F12: variants seen among roughly 807,000 people sequenced by gnomAD.
F12 encodes coagulation factor XII, also known as Hageman factor.
A neutral mutation model predicts 74.8 loss-of-function variants in F12; 70 were observed. The observed-to-expected ratio is 0.94, with a 90% CI of 0.77 to 1.14. The LOEUF (loss-of-function observed/expected upper bound fraction) is 1.14. F12 is among the 50% of genes most tolerant of loss of function. The pLI is 0.00. For synonymous variants in F12, 373 were observed against 356.4 expected (o/e 1.05, Z -0.52); for missense variants, 811 against 835.7 (o/e 0.97, Z 0.36).
At chr5:177,405,655 G>A in intron 4 of F12, 80 bp downstream of exon 4, 3 of 1,414,940 alleles carry the variant, frequency 2.1e-6, no homozygotes, top group Non-Finnish European at 1.0e-6. Context: ...AATCCCAGGT[G>A]TGTGGGGTCT....
rs367919043 is a variant in F12, at chr5:177,404,829, G to T, written c.615C>A (p.Thr205=). 1.0e-5 allele frequency: 16 copies of T among 1,607,848 alleles called. No individual in the cohort carries two copies. Among genetic ancestry groups the T allele is most frequent in the Admixed American group, 5.0e-5 (3 of 59,498 alleles). ...HRLCHCPVGY[T]GAFCDVDTKA... is the part of the protein sequence containing the mutation. ...ACTCACCCACGTCGCAGAAGGCTCC[G>T]GTGTAGCCCACCGGGCAGTGGCACA... Residue 205 remains threonine (T), a synonymous_variant, in exon 7 of 14, where the codon ACC becomes ACA. Coordinates refer to ENST00000253496, the MANE Select transcript of F12 (RefSeq NM_000505.4).
chr5:177,408,608 C>T (rs1466137638), intron 2 of F12, among the ~76,000 whole-genome samples: 3 of 152,212 alleles, frequency 2.0e-5, no homozygotes, highest in Non-Finnish European at 4.4e-5. Flanking sequence ...AACTCAAATC[C>T]CTCGCCCAGA....
chr5:177,404,436 C>A, intron 8 of F12, 23 bp from the exon 9 acceptor site: 1 of 1,606,764 alleles, frequency 6.2e-7, no homozygotes, highest in Non-Finnish European at 8.5e-7. Flanking sequence ...GACGGGGCGC[C>A]GTTAGAGCGC....
Position 177,404,280 on chromosome 5 carries a change from G to T in F12, c.934C>A (p.His312Asn). ...GGCTGCGCGGGCATGAGTGGGACATGAAGCCTAGGGGACACCGGGGTCGGA... is the reference window on the plus strand; with the variant it reads ...GGCTGCGCGGGCATGAGTGGGACATTAAGCCTAGGGGACACCGGGGTCGGA... ...APPTPVSPRL[H>N]VPLMPAQPAP... is the part of the protein sequence containing the mutation. Residue 312 changes from histidine to asparagine, a missense_variant, in exon 9 of 14, where the codon CAT (histidine) becomes AAT (asparagine). Coordinates refer to ENST00000253496, the MANE Select transcript of F12 (RefSeq NM_000505.4). 6.3e-7 allele frequency: 1 copy of T among 1,598,244 alleles called. No homozygotes were observed. The highest frequency in any genetic ancestry group is 8.5e-7 in the Non-Finnish European group (1 of 1,171,530).
In F12 at chr5:177,405,098, T is replaced by G; in HGVS notation, c.485A>C (p.Gln162Pro). The G allele has an allele frequency of 6.2e-7, 1 of 1,613,674 alleles. No homozygotes were observed. The highest frequency in any genetic ancestry group is 8.5e-7 in the Non-Finnish European group (1 of 1,180,024). The change falls in exon 6 of 14, where the codon CAG (glutamine) becomes CCG (proline). Residue 162 changes from glutamine to proline, a missense_variant. Gln to Pro is a moderately conservative substitution (Grantham distance 76). Transcript: ENST00000253496. The part of the protein sequence containing the change: ...RTEQAAVARC[Q>P]CKGPDAHCQR... The stretch of plus-strand genomic sequence containing the variant: ...GCAGTGGGCATCAGGACCCTTGCAC[T>G]GGCATCTGGCCACAGCTGCTTGCTC...
In F12 at chr5:177,406,036, G is replaced by C; in HGVS notation, c.141C>G (p.Cys47Trp). 1 of 1,614,084 alleles carries C rather than the reference G, an allele frequency of 6.2e-7. No individual in the cohort carries two copies. Among genetic ancestry groups the C allele is most frequent in the Non-Finnish European group, 8.5e-7 (1 of 1,180,018 alleles). ...GCCGGTGGTACTGGAAGGGGAAGTG[G>C]CAGGGCTCCCCGGTGACAGTGAGAA... ...TVVLTVTGEP[C>W]HFPFQYHRQL... is the part of the protein sequence containing the mutation. Residue 47 changes from cysteine (C) to tryptophan (W), a missense_variant, in exon 3 of 14, where the codon TGC becomes TGG. Cys to Trp is a radical substitution (Grantham distance 215). Transcript: ENST00000253496.
chr5:177,402,909 C>T, intron 12 of F12: 1 of 724,690 alleles, frequency 1.4e-6, no homozygotes, highest in Non-Finnish European at 2.3e-6. Context: ...GGAGCGGAAA[C>T]AGAAACCCCT....
At chr5:177,405,703 C>T (rs1763272428) in intron 4 of F12, 32 bp downstream of exon 4, 1 of 1,609,068 alleles carries the variant, frequency 6.2e-7, no homozygotes, top group Non-Finnish European at 8.5e-7. Flanking sequence ...GAGGAGAGAG[C>T]CCCAGGCCAC....
In F12 at chr5:177,403,908, G is replaced by A. The variant is rs745786147; in HGVS notation, c.1201C>T (p.Leu401Phe). 4 of 1,586,390 alleles carry A rather than the reference G, an allele frequency of 2.5e-6. No homozygotes were observed. The highest frequency in any genetic ancestry group is 1.1e-5 in the South Asian group (1 of 88,894). ...GTCAGCACCCAGCAGGGGGCGATGA[G>A]GCTGCCGGCGCAGAAACTGTGGCCC... Reference protein sequence around the residue: ...YWGHSFCAGSLIAPCWVLTAA... With the variant: ...YWGHSFCAGSFIAPCWVLTAA... The change falls in exon 10 of 14, where the codon CTC (leucine) becomes TTC (phenylalanine). Residue 401 changes from leucine (L) to phenylalanine (F), a missense_variant. Coordinates refer to ENST00000253496, the MANE Select transcript of F12 (RefSeq NM_000505.4).
At chr5:177,402,883 C>G (rs1763174833) in intron 12 of F12, 185 bp from the exon 13 acceptor site, 1 of 865,228 alleles carries the variant, frequency 1.2e-6, no homozygotes, top group Admixed American at 2.3e-5. Context: ...AGAGAAAAGC[C>G]AGGATTTGAA....
intron 12 of F12, chr5:177,402,980 C>T (rs774004207): frequency 1.6e-5 from 11 of 670,942 alleles, no homozygotes; most frequent in Non-Finnish European, 2.2e-5. Context: ...AGCGCGGGGC[C>T]AGCGTCCTAG....
Position 177,402,174 on chromosome 5 carries a change from C to A in F12, c.*118G>T. The stretch of plus-strand genomic sequence containing the variant: ...TTCAAAGCACTTTATTGAGTTCCTG[C>A]GCCATCCTGGCGCGGAGCTGGCCGC... On this transcript the variant is annotated 3_prime_UTR_variant, in exon 14 of 14. Transcript: ENST00000253496. 2 of 1,317,604 alleles carry A rather than the reference C, an allele frequency of 1.5e-6. No individual in the cohort carries two copies. Among genetic ancestry groups the A allele is most frequent in the East Asian group, 2.5e-5 (1 of 40,084 alleles). 81.6% of individuals were successfully genotyped at this position (1,317,604 alleles called of 1,614,324 possible).
At chr5:177,407,765 A>AC (rs1273253414) in intron 2 of F12, among the ~76,000 whole-genome samples, 1 of 149,352 alleles carries the variant, frequency 6.7e-6, no homozygotes, top group East Asian at 1.9e-4. Flanking sequence ...AGCCTAGGGG[A>AC]CAGAGCGAGA....
At chr5:177,406,289 C>A (rs1411193292) in intron 2 of F12, among the ~76,000 whole-genome samples, 2 of 152,136 alleles carry the variant, frequency 1.3e-5, no homozygotes, top group Non-Finnish European at 2.9e-5. Context: ...GAGATCAAGA[C>A]CATCCTGGCT....
intron 3 of F12, 39 bp from the exon 4 acceptor site, chr5:177,405,844 G>T (rs746928394): frequency 5.0e-6 from 8 of 1,609,788 alleles, no homozygotes; most frequent in Non-Finnish European, 6.8e-6. Context: ...CTACCCAGGG[G>T]CCTGGCCCAC....
chr5:177,404,088 A>T lies in F12; in HGVS notation c.1021T>A (p.Leu341Met). The change falls in exon 10 of 14, where the codon TTG becomes ATG. Residue 341 changes from leucine to methionine, a missense_variant and splice_region_variant. Physicochemically the swap from Leu to Met is conservative, Grantham distance 15 (BLOSUM62 2). Transcript: ENST00000253496. ...TPPQSQTPGA[L>M]PAKREQPPSL... ...GGCGGCTGCTCCCGCTTCGCCGGCA[A>T]GGCTGTGGAGGAGCAGGGGCTGAGG... is the stretch of plus-strand genomic sequence containing the variant. 1.9e-6 allele frequency: 3 copies of T among 1,602,366 alleles called. No homozygotes were observed. Among genetic ancestry groups the T allele is most frequent in the Non-Finnish European group, 2.5e-6 (3 of 1,178,426 alleles).
chr5:177,406,492 G>GA (rs76786042), intron 2 of F12, among the ~76,000 whole-genome samples: 461 of 141,070 alleles, frequency 3.3e-3, no homozygotes, highest in Middle Eastern at 7.3e-3. Flanking sequence ...CCATCTTAAA[G>GA]AAAAAAAAAA....
rs558195458 is a variant in F12, at chr5:177,405,310, C to T, written c.397+13G>A. 8 of 1,614,022 alleles carry T rather than the reference C, an allele frequency of 5.0e-6. No individual in the cohort carries two copies. The African/African-American group carries it at 9.3e-5, about 19-fold the overall frequency. ...CCCCCAGCACCCCGCCCAGGTCCTCCACATCTCCTCACCTTTCTGGCAGTG... is the reference window on the plus strand; with the variant it reads ...CCCCCAGCACCCCGCCCAGGTCCTCTACATCTCCTCACCTTTCTGGCAGTG... On this transcript the variant is annotated intron_variant, in intron 5 of 13. Coordinates refer to ENST00000253496, the MANE Select transcript of F12 (RefSeq NM_000505.4).
chr5:177,406,488 T>C (rs1413374568), intron 2 of F12, among the ~76,000 whole-genome samples: 4 of 149,486 alleles, frequency 2.7e-5, no homozygotes, highest in Admixed American at 2.0e-4. Context: ...GACTCCATCT[T>C]AAAGAAAAAA....
Sources: allele counts gnomAD v4.1 joint callset (sites outside exome capture counted in the v4.1 genomes callset), GRCh38; gene constraint gnomAD v4.1.1; transcripts MANE v1.5; gene names NCBI Gene and HGNC (gene_info 2026-07-23, HGNC 2026-07-21).